Variants in MAPK10 observed in about 807,000 individuals in gnomAD.
MAPK10 encodes the protein JNK3 alpha protein kinase.
A neutral mutation model predicts 59.3 loss-of-function variants in MAPK10; 25 were observed. The ratio of observed to expected loss-of-function variants is 0.42; its 90% CI spans 0.31 to 0.59. MAPK10 has a LOEUF of 0.59. Ranked by LOEUF, MAPK10 falls within the 20% of genes least tolerant of loss-of-function variation. The pLI is 0.15. For synonymous variants in MAPK10, 190 were observed against 200.5 expected, an observed-to-expected ratio of 0.95 and a Z score of 0.44; for missense variants, 351 against 568.9, an observed-to-expected ratio of 0.62 and a Z score of 3.90.
chr4:86,462,635 T>C (rs1751848492), intron 1 of MAPK10, among the ~76,000 whole-genome samples: 1 of 152,216 alleles, frequency 6.6e-6, no homozygotes, highest in Non-Finnish European at 1.5e-5. Context: ...CCTTGAAGTA[T>C]ATCAAAGTAG....
chr4:86,168,234 G>A (rs953486337), intron 3 of MAPK10, among the ~76,000 whole-genome samples: 19 of 152,338 alleles, frequency 1.2e-4, no homozygotes, highest in Middle Eastern at 3.4e-3. Context: ...GCAACGCACC[G>A]TGCACCAGCC....
chr4:86,566,369 T>C (rs1319488666), intron 1 of MAPK10, among the ~76,000 whole-genome samples: 3 of 152,116 alleles, frequency 2.0e-5, no homozygotes, highest in Non-Finnish European at 4.4e-5. Flanking sequence ...CAAAAAAATA[T>C]GAGTTCTTTT....
At position 86,194,323 on chromosome 4, in the gene MAPK10, A is replaced by G. The variant is rs2080761508; in HGVS notation, c.66+13T>C. 1 of 1,607,634 alleles carries G rather than the reference A, an allele frequency of 6.2e-7. No individual in the cohort carries two copies. Among genetic ancestry groups the G allele is most frequent in the Non-Finnish European group, 8.5e-7 (1 of 1,174,116 alleles). On this transcript the variant is annotated intron_variant, in intron 3 of 13. Transcript: ENST00000641462. ...ATATACTGTACCTTGTTTTACCTGT[A>G]AGGAACACACACCTGACAAAAGGCA...
At chr4:86,256,510 A>T (rs1230213897) in intron 2 of MAPK10, among the ~76,000 whole-genome samples, 1 of 152,100 alleles carries the variant, frequency 6.6e-6, no homozygotes, top group East Asian at 1.9e-4. Flanking sequence ...AGAGAAAAAA[A>T]ATTTTCAGAT....
intron 2 of MAPK10, among the ~76,000 whole-genome samples, chr4:86,282,478 C>A (rs1455571503): frequency 6.6e-6 from 1 of 151,614 alleles, no homozygotes; most frequent in Non-Finnish European, 1.5e-5. Flanking sequence ...TGCAAACTAG[C>A]CAGAAAAAGT....
chr4:86,236,941 T>C (rs2092289385), intron 2 of MAPK10, among the ~76,000 whole-genome samples: 1 of 152,158 alleles, frequency 6.6e-6, no homozygotes, highest in Non-Finnish European at 1.5e-5. Flanking sequence ...ACATGTGCCA[T>C]GGTGGTTTGC....
chr4:86,347,148 G>T (rs1181461739), intron 2 of MAPK10, among the ~76,000 whole-genome samples: 1 of 152,010 alleles, frequency 6.6e-6, no homozygotes, highest in Non-Finnish European at 1.5e-5. Context: ...TTAAATTTAT[G>T]GTATCTACAA....
intron 1 of MAPK10, among the ~76,000 whole-genome samples, chr4:86,536,084 C>T (rs1330711377): frequency 6.6e-6 from 1 of 152,110 alleles, no homozygotes; most frequent in Non-Finnish European, 1.5e-5. Context: ...AGGTTTTCTA[C>T]TCAATTGATG....
At chr4:86,531,721 G>A (rs1367946381) in intron 1 of MAPK10, among the ~76,000 whole-genome samples, 1 of 152,162 alleles carries the variant, frequency 6.6e-6, no homozygotes, top group East Asian at 1.9e-4. Context: ...CAGATGGCAA[G>A]CCATGGTTTC....
intron 1 of MAPK10, among the ~76,000 whole-genome samples, chr4:86,466,593 CTCTA>C (rs1752229797): frequency 6.6e-6 from 1 of 152,188 alleles, no homozygotes; most frequent in African/African-American, 2.4e-5. Context: ...AAAATTAGAT[CTCTA>C]TCTCATACCA....
chr4:86,485,069 A>G (rs943810663), intron 1 of MAPK10, among the ~76,000 whole-genome samples: 1 of 152,206 alleles, frequency 6.6e-6, no homozygotes, highest in African/African-American at 2.4e-5. Flanking sequence ...AGATGCTGGG[A>G]AGCAAGGAAG....
intron 11 of MAPK10, chr4:86,044,846 G>A: frequency 2.5e-6 from 1 of 396,750 alleles, no homozygotes; most frequent in East Asian, 3.6e-5. Context: ...AGTTTGCAAT[G>A]AAAGATTTTC....
At chr4:86,227,516 GA>G (rs2090866484) in intron 2 of MAPK10, among the ~76,000 whole-genome samples, 1 of 149,630 alleles carries the variant, frequency 6.7e-6, no homozygotes, top group Non-Finnish European at 1.5e-5. Flanking sequence ...AAAAGAAAAA[GA>G]AAAGAAAAAA....
chr4:86,044,268 A>C (rs114925718), intron 11 of MAPK10, among the ~76,000 whole-genome samples: 1,966 of 152,284 alleles, frequency 0.013, 20 homozygotes, highest in Non-Finnish European at 0.018. Flanking sequence ...AAATTGCTCT[A>C]GTTTATGGTT....
rs990862073 is a variant in MAPK10 at position 86,358,299 on chromosome 4, C to T, written c.-122+1359G>A. ...GTTGATAAGCATTCTGTGTTATCTT[C>T]CAGGGTCCGACAACTAGCCGATGAG... On this transcript the variant is annotated intron_variant, in intron 1 of 13. Coordinates refer to ENST00000641462, the MANE Select transcript of MAPK10 (RefSeq NM_138982.4). 8 of 985,250 alleles carry T rather than the reference C, an allele frequency of 8.1e-6. No homozygotes were observed. In the African/African-American group the frequency reaches 1.4e-4, roughly 17 times the overall value. The allele number at this position is 985,250 out of a possible 1,614,324, so 61.0% of individuals were successfully genotyped here. A position where few individuals can be genotyped will look rare whatever the true frequency, so the allele number is the denominator to read the frequency against.
intron 9 of MAPK10, among the ~76,000 whole-genome samples, chr4:86,084,426 C>A (rs908631770): frequency 1.3e-5 from 2 of 152,206 alleles, no homozygotes; most frequent in East Asian, 3.9e-4. Context: ...AATCAACATA[C>A]AAAAATCAGT....
chr4:86,030,692 C>A (rs1289298826), intron 12 of MAPK10, among the ~76,000 whole-genome samples: 1 of 152,024 alleles, frequency 6.6e-6, no homozygotes. Context: ...CCTCTTAGTC[C>A]TTTATCTGAT....
chr4:86,500,082 C>G (rs1487214779), intron 1 of MAPK10, among the ~76,000 whole-genome samples: 1 of 152,172 alleles, frequency 6.6e-6, no homozygotes, highest in East Asian at 1.9e-4. Context: ...ATCTGTGTTA[C>G]TAGCAATTGA....
Position 86,398,668 on chromosome 4 carries a change from C to A in MAPK10, c.-121-44024G>T, listed in dbSNP as rs183421286. On this transcript the variant is annotated intron_variant, in intron 1 of 13. Coordinates refer to the MAPK10 transcript ENST00000361569. Reference sequence around the variant, plus strand: ...GCAGGTTTGTTACAGGGGTACATTGCGTGATGCTGAAATTTAGGGTAAAAT... The same window carrying A: ...GCAGGTTTGTTACAGGGGTACATTGAGTGATGCTGAAATTTAGGGTAAAAT... Among the ~76,000 whole-genome samples the A allele has an allele frequency of 2.0e-4, 30 of 152,136 alleles. No homozygotes were observed. In the East Asian group the frequency reaches 2.7e-3, roughly 14 times the overall value.
Sources: allele counts gnomAD v4.1 joint callset (sites outside exome capture counted in the v4.1 genomes callset), GRCh38; gene constraint gnomAD v4.1.1; transcripts MANE v1.5; gene names NCBI Gene and HGNC (gene_info 2026-07-23, HGNC 2026-07-21).